Variants in RFTN2 observed in about 807,000 individuals in gnomAD.
The protein encoded by RFTN2 is raftlin-2.
In RFTN2, 34 loss-of-function variants were observed where a neutral mutation model predicts 52.7. That is an observed-to-expected ratio of 0.64 (90% CI 0.49 to 0.86). The LOEUF (loss-of-function observed/expected upper bound fraction) is 0.86. Ranked by LOEUF, RFTN2 falls within the 40% of genes least tolerant of loss-of-function variation. The pLI, the probability that RFTN2 is intolerant of heterozygous loss-of-function variation, is 0.00. For missense variants in RFTN2, 536 were observed against 600.1 expected (o/e 0.89, Z 1.12); for synonymous variants, 203 against 217.7 (o/e 0.93, Z 0.59).
chr2:197,599,881 G>A (rs1266036828), intron 7 of RFTN2, among the ~76,000 whole-genome samples: 4 of 151,674 alleles, frequency 2.6e-5, no homozygotes, highest in African/African-American at 7.3e-5. Flanking sequence ...TTTTTGAGGC[G>A]GAGTCTCCAC....
Position 197,644,226 on chromosome 2 carries a change from C to T in RFTN2, c.370G>A (p.Val124Met), listed in dbSNP as rs761550076. ...APSGQRRPRL[V>M]IEECPLTSEA... ...GAAGTTAGGGGACATTCCTCAATCA[C>T]GAGCCTTGGGCGTCTTTGTCCACTG... is the stretch of plus-strand genomic sequence containing the variant. Residue 124 changes from valine to methionine, a missense_variant, in exon 3 of 9, where the codon GTG (valine) becomes ATG (methionine). Coordinates refer to ENST00000295049, the MANE Select transcript of RFTN2 (RefSeq NM_144629.3). 6 of 1,613,604 alleles carry T rather than the reference C, an allele frequency of 3.7e-6. 1 individual carries two copies. The highest frequency in any genetic ancestry group is 2.2e-5 in the South Asian group (2 of 91,084).
Position 197,572,076 on chromosome 2 carries a change from C to T in RFTN2, c.1438G>A (p.Val480Ile), listed in dbSNP as rs752094547. The T allele has an allele frequency of 2.7e-5, 44 of 1,614,092 alleles. No individual in the cohort carries two copies. The highest frequency in any genetic ancestry group is 4.5e-5 in the East Asian group (2 of 44,898). Residue 480 changes from valine to isoleucine, a missense_variant, in exon 9 of 9, where the codon GTC becomes ATC. By Grantham distance (29) the Val-to-Ile change is conservative. Transcript: ENST00000295049. Reference sequence around the variant, plus strand: ...TGTCCGTCGTCTAATTCCCGGAGGACGTTGTCACTGCTGCTGAACCCAGAG... The same window carrying T: ...TGTCCGTCGTCTAATTCCCGGAGGATGTTGTCACTGCTGCTGAACCCAGAG... ...SFSGFSSSDN[V>I]LRELDDGQFD...
At chr2:197,632,637 A>C (rs2088485082) in intron 4 of RFTN2, among the ~76,000 whole-genome samples, 1 of 152,184 alleles carries the variant, frequency 6.6e-6, no homozygotes, top group African/African-American at 2.4e-5. Flanking sequence ...ATTGCAGAAA[A>C]ATCAGGGACA....
At chr2:197,673,261 A>G (rs2089171554) in intron 1 of RFTN2, among the ~76,000 whole-genome samples, 1 of 152,148 alleles carries the variant, frequency 6.6e-6, no homozygotes, top group Non-Finnish European at 1.5e-5. Context: ...GGTGCCAAAC[A>G]GAAAGCTGGC....
rs941278851 is a variant in RFTN2, at chr2:197,633,903, C to T, written c.533G>A (p.Gly178Glu). 13 of 1,613,804 alleles carry T rather than the reference C, an allele frequency of 8.1e-6. No individual in the cohort carries two copies. The highest frequency in any genetic ancestry group is 1.0e-5 in the Non-Finnish European group (12 of 1,179,778). ...SKFCNGTNHD[G>E]DIESMLHVRH... is the part of the protein sequence containing the mutation. ...CACATGTAGCATCGATTCTATATCT[C>T]CATCATGGTTGGTTCCATTGCAGAA... Residue 178 changes from glycine to glutamate, a missense_variant, in exon 4 of 9, where the codon GGA (glycine) becomes GAA (glutamate). Coordinates refer to ENST00000295049, the MANE Select transcript of RFTN2 (RefSeq NM_144629.3).
At chr2:197,672,651 C>T (rs552918587) in intron 1 of RFTN2, among the ~76,000 whole-genome samples, 18 of 152,228 alleles carry the variant, frequency 1.2e-4, no homozygotes, top group East Asian at 5.8e-4. Context: ...AACTCTGTGA[C>T]GTCAGCACCA....
At chr2:197,628,694 C>G (rs898093008) in intron 5 of RFTN2, among the ~76,000 whole-genome samples, 3 of 152,164 alleles carry the variant, frequency 2.0e-5, no homozygotes, top group African/African-American at 7.2e-5. Flanking sequence ...ACTAAAAGTA[C>G]TGTAATTGCA....
intron 8 of RFTN2, among the ~76,000 whole-genome samples, chr2:197,593,704 A>T (rs1339597849): frequency 6.6e-6 from 1 of 151,872 alleles, no homozygotes; most frequent in Non-Finnish European, 1.5e-5. Flanking sequence ...CTGGCCAACA[A>T]GGTGAAACCC....
chr2:197,662,048 G>A (rs2106267637), intron 1 of RFTN2, among the ~76,000 whole-genome samples: 1 of 152,200 alleles, frequency 6.6e-6, no homozygotes, highest in Non-Finnish European at 1.5e-5. Context: ...GTCCCTTGTT[G>A]GATGAATAAT....
Position 197,621,131 on chromosome 2 carries a change from C to T in RFTN2, c.929-3210G>A, listed in dbSNP as rs1441790390. Among the ~76,000 whole-genome samples, 3 of 151,672 alleles carry T rather than the reference C, an allele frequency of 2.0e-5. 1 individual carries two copies. Among genetic ancestry groups the T allele is most frequent in the African/African-American group, 7.3e-5 (3 of 41,248 alleles). On this transcript the variant is annotated intron_variant, in intron 5 of 8. Transcript: ENST00000295049. The stretch of plus-strand genomic sequence containing the variant: ...GTGACCAGTGGAATCAAATTTGTTT[C>T]TGATTGAAAGTTTAGGGCATCACTA...
At chr2:197,574,317 G>A (rs899548805) in intron 8 of RFTN2, among the ~76,000 whole-genome samples, 1 of 152,160 alleles carries the variant, frequency 6.6e-6, no homozygotes, top group Admixed American at 6.6e-5. Flanking sequence ...TGGATGTTAG[G>A]GAGTCAAAAG....
intron 8 of RFTN2, among the ~76,000 whole-genome samples, chr2:197,577,835 C>G (rs2087443805): frequency 6.6e-6 from 1 of 152,226 alleles, no homozygotes; most frequent in Admixed American, 6.5e-5. Context: ...TCTCCTGCCT[C>G]AGCCTCCAGA....
At chr2:197,573,235 T>G (rs1406807594) in intron 8 of RFTN2, among the ~76,000 whole-genome samples, 1 of 152,326 alleles carries the variant, frequency 6.6e-6, no homozygotes, top group South Asian at 2.1e-4. Context: ...TGGAACTTCC[T>G]AGAGACTTAT....
chr2:197,601,545 A>G (rs1055396957), intron 7 of RFTN2, among the ~76,000 whole-genome samples: 1 of 151,942 alleles, frequency 6.6e-6, no homozygotes, highest in Non-Finnish European at 1.5e-5. Flanking sequence ...CACTCTTTCT[A>G]CAATACTGCA....
intron 1 of RFTN2, among the ~76,000 whole-genome samples, chr2:197,646,916 A>AC (rs1436078513): frequency 8.3e-4 from 126 of 151,332 alleles, no homozygotes; most frequent in African/African-American, 2.7e-3. Flanking sequence ...AAAAAAAAAA[A>AC]AAAACTCCAA....
intron 5 of RFTN2, among the ~76,000 whole-genome samples, chr2:197,625,149 C>G (rs2088333559): frequency 6.6e-6 from 1 of 152,008 alleles, no homozygotes; most frequent in Non-Finnish European, 1.5e-5. Context: ...TGTGCTGGCC[C>G]ATTCTTTTCA....
At chr2:197,608,257 A>C (rs1297619177) in intron 7 of RFTN2, among the ~76,000 whole-genome samples, 1 of 151,924 alleles carries the variant, frequency 6.6e-6, no homozygotes, top group African/African-American at 2.4e-5. Flanking sequence ...GCTCAGCATC[A>C]CAGTGAGAAG....
At chr2:197,619,123 C>G (rs1365392164) in intron 5 of RFTN2, among the ~76,000 whole-genome samples, 1 of 148,504 alleles carries the variant, frequency 6.7e-6, no homozygotes, top group Non-Finnish European at 1.5e-5. Context: ...CCGCCCCGTC[C>G]GGGAGGGAGG....
intron 3 of RFTN2, among the ~76,000 whole-genome samples, chr2:197,639,755 C>G: frequency 7.0e-6 from 1 of 141,988 alleles, no homozygotes; most frequent in South Asian, 2.4e-4. Context: ...AAGTCATTCT[C>G]CATCCAGCTT....
Sources: gnomAD v4.1 joint callset for allele counts (sites outside exome capture counted in the v4.1 genomes callset) on GRCh38, gnomAD v4.1.1 for gene constraint, MANE v1.5 for transcripts, NCBI Gene and HGNC (gene_info 2026-07-23, HGNC 2026-07-21) for gene names.